Variants in PCCB observed in about 807,000 individuals in gnomAD.
PCCB encodes the protein propionyl-CoA carboxylase beta chain, mitochondrial.
PCCB carries 43 observed loss-of-function variants against 60.7 expected under a neutral mutation model. The ratio of observed to expected loss-of-function variants is 0.71; its 90% confidence interval spans 0.55 to 0.91. The LOEUF is 0.91. Among genes scored for constraint, PCCB ranks in the 40% least tolerant of loss-of-function variants. The probability of loss-of-function intolerance (pLI) is 0.00; values close to 1 mark genes in which losing one functional copy is unlikely to be tolerated. For synonymous variants in PCCB, 276 were observed against 255.9 expected (o/e 1.08, Z -0.75); for missense variants, 766 against 702.8 (o/e 1.09, Z -1.02).
chr3:136,316,982 T>C lies in PCCB; in HGVS notation c.1008T>C (p.Tyr336=), dbSNP rs769437282. ...EREFFEIMPN[Y]AKNIIVGFAR... is the part of the protein sequence containing the mutation. ...AATTTTTTGAGATCATGCCCAATTA[T>C]GCCAAGAACATCATTGTTGGTTTTG... Residue 336 remains tyrosine, a synonymous_variant, in exon 10 of 15, where the codon TAT becomes TAC. Coordinates refer to ENST00000251654, the MANE Select transcript of PCCB (RefSeq NM_000532.5). 4 of 1,614,006 alleles carry C rather than the reference T, an allele frequency of 2.5e-6. No homozygotes were observed. Among genetic ancestry groups the C allele is most frequent in the Admixed American group, 1.7e-5 (1 of 60,008 alleles).
At chr3:136,309,167 A>G (rs1388028753) in intron 9 of PCCB, among the ~76,000 whole-genome samples, 1 of 151,496 alleles carries the variant, frequency 6.6e-6, no homozygotes, top group Non-Finnish European at 1.5e-5. Flanking sequence ...GGAGGCTGAG[A>G]CAGGAGAATC....
At chr3:136,295,293 A>G (rs1020203277) in intron 7 of PCCB, among the ~76,000 whole-genome samples, 1 of 152,186 alleles carries the variant, frequency 6.6e-6, no homozygotes, top group African/African-American at 2.4e-5. Flanking sequence ...CAGTGTCCCT[A>G]AAGTAGAGAT....
intron 1 of PCCB, among the ~76,000 whole-genome samples, chr3:136,250,921 G>A (rs1941497290): frequency 1.3e-5 from 2 of 152,248 alleles, no homozygotes; most frequent in South Asian, 2.1e-4. Context: ...AATGATAGGC[G>A]CTCAGTAAAA....
chr3:136,283,715 C>T lies in PCCB; in HGVS notation c.544-122C>T, dbSNP rs183337823. The T allele has an allele frequency of 4.1e-5, 29 of 708,100 alleles. No homozygotes were observed. The Admixed American group carries it at 6.0e-4, about 15-fold the overall frequency. 43.9% of individuals were successfully genotyped at this position (708,100 alleles called of 1,614,324 possible). ...GAACTTCACTGATTAGGTCTGTTGCCTCCTGTATAGAATTTCTGTGGGAAA... is the reference window on the plus strand; with the variant it reads ...GAACTTCACTGATTAGGTCTGTTGCTTCCTGTATAGAATTTCTGTGGGAAA... On this transcript the variant is annotated intron_variant, in intron 5 of 14. Transcript: ENST00000251654.
chr3:136,313,195 A>G (rs950604304), intron 9 of PCCB, among the ~76,000 whole-genome samples: 3 of 152,224 alleles, frequency 2.0e-5, no homozygotes, highest in African/African-American at 4.8e-5. Context: ...TAACTCAGCA[A>G]TCCCATTCCT....
intron 9 of PCCB, 111 bp downstream of exon 9, chr3:136,301,222 A>T (rs377607915): frequency 9.8e-5 from 81 of 827,058 alleles, no homozygotes; most frequent in African/African-American, 8.1e-4. Flanking sequence ...GTCAGACAGC[A>T]CAGGTCGGGA....
At chr3:136,272,522 C>T (rs1409640424) in intron 5 of PCCB, among the ~76,000 whole-genome samples, 1 of 152,040 alleles carries the variant, frequency 6.6e-6, no homozygotes, top group African/African-American at 2.4e-5. Context: ...ATTACTGATT[C>T]AGTCTCACTG....
intron 14 of PCCB, among the ~76,000 whole-genome samples, 163 bp downstream of exon 14, chr3:136,329,020 C>T (rs548304973): frequency 7.9e-5 from 12 of 152,362 alleles, no homozygotes; most frequent in South Asian, 2.1e-4. Context: ...GGACTAAGGA[C>T]TGTGGGACAG....
intron 3 of PCCB, among the ~76,000 whole-genome samples, chr3:136,257,328 G>C (rs1941698841): frequency 6.6e-6 from 1 of 152,162 alleles, no homozygotes; most frequent in Non-Finnish European, 1.5e-5. Context: ...ATCAGCAAAG[G>C]AGTGCCCATG....
At chr3:136,315,518 C>T (rs576199997) in intron 9 of PCCB, among the ~76,000 whole-genome samples, 1 of 151,986 alleles carries the variant, frequency 6.6e-6, no homozygotes, top group East Asian at 1.9e-4. Flanking sequence ...CTAAGCGAGA[C>T]TCCGTCTCAA....
At chr3:136,329,725 G>C (rs565841410) in intron 14 of PCCB, among the ~76,000 whole-genome samples, 180 bp from the exon 15 acceptor site, 75 of 152,324 alleles carry the variant, frequency 4.9e-4, no homozygotes, top group Non-Finnish European at 3.2e-4. Context: ...TTGGGGAGCT[G>C]TCAGAACAGG....
At chr3:136,318,862 G>A (rs1935007976) in intron 10 of PCCB, among the ~76,000 whole-genome samples, 6 of 152,178 alleles carry the variant, frequency 3.9e-5, no homozygotes, top group Admixed American at 3.3e-4. Context: ...TGTGAATAAT[G>A]CTGGAATAAA....
chr3:136,254,355 A>G (rs1336128867), intron 1 of PCCB, among the ~76,000 whole-genome samples: 1 of 151,450 alleles, frequency 6.6e-6, no homozygotes, highest in East Asian at 1.9e-4. Context: ...AGTAGCTGGG[A>G]CTACAGGTGG....
rs372832381 is a variant in PCCB, at chr3:136,270,328, T to C, written c.543+8263T>C. On this transcript the variant is annotated intron_variant, in intron 5 of 14. Coordinates refer to ENST00000251654, the MANE Select transcript of PCCB (RefSeq NM_000532.5). ...GAAACATTGACCTACAGTTACCTTGTGATTTTTTCTTTTGGTTTTGGTATT... is the reference window on the plus strand; with the variant it reads ...GAAACATTGACCTACAGTTACCTTGCGATTTTTTCTTTTGGTTTTGGTATT... 3.7e-4 allele frequency among the ~76,000 whole-genome samples: 56 copies of C among 152,232 alleles called. No individual in the cohort carries two copies. In the East Asian group the frequency reaches 0.011, roughly 29 times the overall value.
chr3:136,272,431 T>C lies in PCCB; in HGVS notation c.543+10366T>C, dbSNP rs143864563. On this transcript the variant is annotated intron_variant, in intron 5 of 14. Transcript: ENST00000251654. ...TCTTTTGGAATAGTTTCAGTAGGAT[T>C]GGTACCAATTCTTTGAATATCTAGT... Among the ~76,000 whole-genome samples the C allele has an allele frequency of 4.1e-4, 62 of 152,286 alleles. No homozygotes were observed. The East Asian group carries it at 0.012, about 29-fold the overall frequency.
chr3:136,292,629 T>G (rs1576333956), intron 6 of PCCB, among the ~76,000 whole-genome samples: 1 of 152,216 alleles, frequency 6.6e-6, no homozygotes, highest in East Asian at 1.9e-4. Context: ...TTGAGAACAG[T>G]GTGTATTGAA....
chr3:136,263,271 TAATA>T (rs1941879298), intron 5 of PCCB, among the ~76,000 whole-genome samples: 48 of 145,968 alleles, frequency 3.3e-4, no homozygotes, highest in African/African-American at 1.0e-3. Flanking sequence ...TTTTTTTTTT[TAATA>T]TTTATTTATT....
intron 5 of PCCB, among the ~76,000 whole-genome samples, chr3:136,278,276 T>C (rs1389741133): frequency 6.6e-6 from 1 of 152,168 alleles, no homozygotes; most frequent in Non-Finnish European, 1.5e-5. Flanking sequence ...TCTCTCTATC[T>C]CACACTCTGG....
intron 8 of PCCB, among the ~76,000 whole-genome samples, chr3:136,299,394 G>A (rs1027564834): frequency 1.3e-5 from 2 of 151,846 alleles, no homozygotes; most frequent in Non-Finnish European, 2.9e-5. Context: ...GTATGTATAT[G>A]TATGCTTATG....
Sources: allele counts gnomAD v4.1 joint callset (sites outside exome capture counted in the v4.1 genomes callset), GRCh38; gene constraint gnomAD v4.1.1; transcripts MANE v1.5; gene names NCBI Gene and HGNC (gene_info 2026-07-23, HGNC 2026-07-21).